TNFRSF19: variants seen among roughly 807,000 people sequenced by gnomAD.
TNFRSF19 encodes the protein tumor necrosis factor receptor superfamily member 19.
A neutral mutation model predicts 46.4 loss-of-function variants in TNFRSF19; 27 were observed. That is an observed-to-expected ratio of 0.58 (90% CI 0.43 to 0.80). TNFRSF19 has a LOEUF of 0.80. Ranked by LOEUF, TNFRSF19 falls within the 30% of genes least tolerant of loss-of-function variation. TNFRSF19 has a pLI of 0.00. For missense variants in TNFRSF19, 511 were observed against 530.8 expected (o/e 0.96, Z 0.37); for synonymous variants, 204 against 205.0 (o/e 1.00, Z 0.04).
In TNFRSF19 at chr13:23,591,811, C is replaced by T. The variant is rs142662605; in HGVS notation, c.70-1534C>T. Among the ~76,000 whole-genome samples the T allele has an allele frequency of 8.7e-4, 131 of 151,354 alleles. 1 individual carries two copies. Among genetic ancestry groups the T allele is most frequent in the African/African-American group, 3.0e-3 (124 of 41,178 alleles). Reference sequence around the variant, plus strand: ...TGCGATCTTGGCTCACTGCAACCTCCGCTTCCCAGTTTCAAGTGATTCTCC... The same window carrying T: ...TGCGATCTTGGCTCACTGCAACCTCTGCTTCCCAGTTTCAAGTGATTCTCC... On this transcript the variant is annotated intron_variant, in intron 2 of 9. Coordinates refer to ENST00000248484, the MANE Select transcript of TNFRSF19 (RefSeq NM_148957.4).
At position 23,659,686 on chromosome 13, in the gene TNFRSF19, T is replaced by C. The variant is rs1566220004; in HGVS notation, c.610+472T>C. On this transcript the variant is annotated intron_variant, in intron 6 of 9. Transcript: ENST00000248484. The surrounding 1 kb of genome is among the most constrained non-coding windows in gnomAD (Gnocchi z 4.9). ...CACGCCTGGATAATTTTTGTATTTT[T>C]AGTAGAAACGGGGTTTCACCATGTT... Among the ~76,000 whole-genome samples, 1 of 151,994 alleles carries C rather than the reference T, an allele frequency of 6.6e-6. No individual in the cohort carries two copies.
intron 5 of TNFRSF19, among the ~76,000 whole-genome samples, chr13:23,650,113 C>G (rs1373017458): frequency 6.6e-6 from 1 of 152,208 alleles, no homozygotes; most frequent in Non-Finnish European, 1.5e-5. Flanking sequence ...CCAAACAGCT[C>G]TTCTGGCATA....
At chr13:23,666,357 C>T (rs1182831526) in intron 7 of TNFRSF19, among the ~76,000 whole-genome samples, 1 of 152,230 alleles carries the variant, frequency 6.6e-6, no homozygotes, top group East Asian at 1.9e-4. Flanking sequence ...TTTCTAATTC[C>T]GTTATTCTTT....
At chr13:23,638,166 A>G (rs1197011472) in intron 5 of TNFRSF19, among the ~76,000 whole-genome samples, 1 of 151,564 alleles carries the variant, frequency 6.6e-6, no homozygotes, top group Non-Finnish European at 1.5e-5. Flanking sequence ...GCAAGACGTT[A>G]TGGGTCCGTA....
intron 7 of TNFRSF19, among the ~76,000 whole-genome samples, chr13:23,662,531 A>G (rs1477307389): frequency 6.6e-6 from 1 of 152,176 alleles, no homozygotes; most frequent in African/African-American, 2.4e-5. Context: ...GTTCCATATG[A>G]ATTTTAAAAT....
chr13:23,641,873 A>G (rs9510795), intron 5 of TNFRSF19, among the ~76,000 whole-genome samples: 76,239 of 151,956 alleles, frequency 0.5, 19,714 homozygotes, highest in East Asian at 0.7. Context: ...CTAATCTAAC[A>G]AACAGCATCG....
At chr13:23,574,023 C>T (rs534496669) in intron 1 of TNFRSF19, among the ~76,000 whole-genome samples, 11 of 141,394 alleles carry the variant, frequency 7.8e-5, no homozygotes, top group Admixed American at 1.5e-4. Context: ...GATGGCGCCA[C>T]TGCACTCCAG....
intron 5 of TNFRSF19, among the ~76,000 whole-genome samples, chr13:23,638,542 T>A (rs537876661): frequency 2.6e-5 from 4 of 152,330 alleles, no homozygotes; most frequent in Admixed American, 2.6e-4. Flanking sequence ...TTTGGCCTAG[T>A]CCATCCTGGT....
chr13:23,620,861 T>A (rs1242786823), intron 4 of TNFRSF19, among the ~76,000 whole-genome samples: 1 of 152,136 alleles, frequency 6.6e-6, no homozygotes, highest in Non-Finnish European at 1.5e-5. Context: ...CTGGTGACAA[T>A]GACAACTAAC....
Position 23,662,400 on chromosome 13 carries a change from C to CTAGTA in TNFRSF19, c.736+1911_736+1915dup, listed in dbSNP as rs557707994. On this transcript the variant is annotated intron_variant, in intron 7 of 9. Coordinates refer to ENST00000248484, the MANE Select transcript of TNFRSF19 (RefSeq NM_148957.4). ...ATTGGTCTATGTGCCTGTTTTTGTACTAGTACCATGCTGTTTTGGTTACTG... is the reference window on the plus strand; with the variant it reads ...ATTGGTCTATGTGCCTGTTTTTGTACTAGTATAGTACCATGCTGTTTTGGTTACTG... Among the ~76,000 whole-genome samples the CTAGTA allele has an allele frequency of 1.2e-3, 184 of 152,308 alleles. 1 individual carries two copies. The highest frequency in any genetic ancestry group is 4.2e-3 in the African/African-American group (175 of 41,572).
At chr13:23,626,460 C>T (rs191009530) in intron 4 of TNFRSF19, among the ~76,000 whole-genome samples, 1 of 152,072 alleles carries the variant, frequency 6.6e-6, no homozygotes, top group Non-Finnish European at 1.5e-5. Context: ...ATTCCCCCAC[C>T]TGCACCCCCA....
At chr13:23,662,627 C>T (rs888590849) in intron 7 of TNFRSF19, among the ~76,000 whole-genome samples, 3 of 152,160 alleles carry the variant, frequency 2.0e-5, no homozygotes, top group Non-Finnish European at 4.4e-5. Context: ...GCAGTATGGC[C>T]ACTTTAATGA....
intron 5 of TNFRSF19, among the ~76,000 whole-genome samples, chr13:23,650,140 C>T (rs1168216205): frequency 2.0e-5 from 3 of 152,198 alleles, no homozygotes; most frequent in African/African-American, 7.2e-5. Flanking sequence ...CTCCATTCTT[C>T]CCCTAGCTCT....
At chr13:23,615,770 G>A (rs1054733582) in intron 3 of TNFRSF19, 97 bp from the exon 4 acceptor site, 12 of 1,296,450 alleles carry the variant, frequency 9.3e-6, no homozygotes, top group African/African-American at 1.5e-5. Flanking sequence ...CCGACACTTG[G>A]TAATTATTAG....
intron 5 of TNFRSF19, among the ~76,000 whole-genome samples, chr13:23,629,269 G>A (rs1882203989): frequency 6.6e-6 from 1 of 152,156 alleles, no homozygotes; most frequent in Non-Finnish European, 1.5e-5. Context: ...GAACTCTCTG[G>A]AACCAGGAGT....
At chr13:23,637,549 T>A (rs1364284224) in intron 5 of TNFRSF19, among the ~76,000 whole-genome samples, 1 of 152,230 alleles carries the variant, frequency 6.6e-6, no homozygotes, top group African/African-American at 2.4e-5. Flanking sequence ...AGTGAATTAA[T>A]ACCGGTATCA....
At chr13:23,593,246 A>T in intron 2 of TNFRSF19, 99 bp from the exon 3 acceptor site, 1 of 634,224 alleles carries the variant, frequency 1.6e-6, no homozygotes, top group East Asian at 2.9e-5. Context: ...ATTTACATTC[A>T]GTGATTGTGT....
At chr13:23,574,462 G>GTT (rs35658802) in intron 1 of TNFRSF19, among the ~76,000 whole-genome samples, 42,984 of 148,556 alleles carry the variant, frequency 0.29, 6,234 homozygotes, top group South Asian at 0.34. Flanking sequence ...ATGGGCTCCA[G>GTT]TTTTTTTTTT....
In TNFRSF19 at chr13:23,587,133, TAA is replaced by T. The variant is rs201112553; in HGVS notation, c.-34-3014_-34-3013del. Among the ~76,000 whole-genome samples the T allele has an allele frequency of 9.3e-3, 1,410 of 152,234 alleles. 18 individuals carry two copies. Among genetic ancestry groups the T allele is most frequent in the African/African-American group, 0.029 (1,216 of 41,528 alleles). Reference sequence around the variant, plus strand: ...CAAGTAAATAGAACACTGAAGCATATAAAAGCATTTTTCTATCTTTGGGCCAG... The same window carrying T: ...CAAGTAAATAGAACACTGAAGCATATAAGCATTTTTCTATCTTTGGGCCAG... On this transcript the variant is annotated intron_variant, in intron 1 of 9. Transcript: ENST00000248484.
Sources: allele counts gnomAD v4.1 joint callset (sites outside exome capture counted in the v4.1 genomes callset), GRCh38; gene constraint gnomAD v4.1.1; non-coding constraint Gnocchi (gnomAD v3.1); transcripts MANE v1.5; gene names NCBI Gene and HGNC (gene_info 2026-07-23, HGNC 2026-07-21).